The following DDX4 variants were observed in gnomAD, a reference collection of about 807,000 sequenced individuals.
DDX4 encodes DEAD-box helicase 4.
In DDX4, 25 loss-of-function variants were observed where a neutral mutation model predicts 100.0. The observed-to-expected ratio is 0.25, with a 90% confidence interval of 0.18 to 0.35. The LOEUF is 0.35. DDX4 is among the 10% of genes least tolerant of loss of function. The pLI, the probability that DDX4 is intolerant of heterozygous loss-of-function variation, is 1.00. For missense variants in DDX4, 635 were observed against 882.4 expected (o/e 0.72, Z 3.55); for synonymous variants, 259 against 275.7 (o/e 0.94, Z 0.60).
At chr5:55,777,359 T>TTTGGCAGGCCAACATGGGAGGGATC (rs1228229902) in intron 7 of DDX4, 27 of 152,256 alleles carry the variant, frequency 1.8e-4, no homozygotes, top group African/African-American at 6.5e-4. Context: ...ATCCTAGCAT[T>TTTGGCAGGCCAACATGGGAGGGATC]TTGGCAGGCC....
chr5:55,788,883 T>C (rs1037410068), intron 15 of DDX4, among the ~76,000 whole-genome samples: 6 of 152,100 alleles, frequency 3.9e-5, no homozygotes, highest in Non-Finnish European at 8.8e-5. Flanking sequence ...CTGGAAAACA[T>C]GGTGAAAACC....
At chr5:55,797,779 G>A (rs1743055240) in intron 17 of DDX4, among the ~76,000 whole-genome samples, 1 of 152,214 alleles carries the variant, frequency 6.6e-6, no homozygotes, top group African/African-American at 2.4e-5. Context: ...AGTTAACTGT[G>A]TGTCAAGATA....
intron 6 of DDX4, chr5:55,766,798 T>A: frequency 2.0e-6 from 2 of 996,490 alleles, no homozygotes; most frequent in Non-Finnish European, 2.8e-6. Context: ...TGTACAAAGA[T>A]CCCTTGAAAC....
intron 17 of DDX4, among the ~76,000 whole-genome samples, chr5:55,794,960 G>GA (rs1298130805): frequency 2.4e-4 from 35 of 147,850 alleles, no homozygotes; most frequent in Non-Finnish European, 1.2e-4. Context: ...TGTAGCCCCA[G>GA]ACCTTTTTTT....
intron 7 of DDX4, among the ~76,000 whole-genome samples, chr5:55,771,250 T>C (rs1741236844): frequency 6.6e-6 from 1 of 152,178 alleles, no homozygotes; most frequent in Admixed American, 6.6e-5. Context: ...GGTCATGAAA[T>C]ACAAATTACT....
chr5:55,749,838 T>C (rs989504030), intron 3 of DDX4, among the ~76,000 whole-genome samples: 3 of 151,728 alleles, frequency 2.0e-5, no homozygotes, highest in African/African-American at 7.3e-5. Flanking sequence ...CAGAAAACTT[T>C]TTGCAAGTTG....
intron 7 of DDX4, among the ~76,000 whole-genome samples, chr5:55,778,534 C>T (rs1246870322): frequency 2.2e-4 from 33 of 151,940 alleles, no homozygotes; most frequent in Non-Finnish European, 1.5e-5. Flanking sequence ...GAAACAGATA[C>T]AATAGAGTGT....
At chr5:55,761,871 G>A (rs1267680427) in intron 4 of DDX4, among the ~76,000 whole-genome samples, 1 of 151,968 alleles carries the variant, frequency 6.6e-6, no homozygotes, top group Non-Finnish European at 1.5e-5. Context: ...CGGCCTCCCA[G>A]TGTGCTGGGA....
At chr5:55,745,978 G>A (rs192175704) in intron 2 of DDX4, among the ~76,000 whole-genome samples, 186 bp from the exon 3 acceptor site, 281 of 152,270 alleles carry the variant, frequency 1.8e-3, no homozygotes, top group African/African-American at 4.8e-3. Flanking sequence ...TATATATACA[G>A]TGTTAAAGTG....
In DDX4 at chr5:55,788,019, T is replaced by A; in HGVS notation, c.1172+19T>A. On this transcript the variant is annotated intron_variant, in intron 15 of 21. Transcript: ENST00000505374. ...CTTTTGGGTAAGTACATCAGAGTGC[T>A]ACTCACAAAATAGTTTTTTCTTTAG... 1.3e-6 allele frequency: 2 copies of A among 1,582,394 alleles called. No homozygotes were observed. Among genetic ancestry groups the A allele is most frequent in the Non-Finnish European group, 1.7e-6 (2 of 1,165,930 alleles).
intron 6 of DDX4, among the ~76,000 whole-genome samples, chr5:55,765,784 G>A (rs1224572743): frequency 1.3e-5 from 2 of 151,838 alleles, no homozygotes; most frequent in South Asian, 4.2e-4. Flanking sequence ...TTAGAACACG[G>A]CCAGGTACAT....
intron 18 of DDX4, among the ~76,000 whole-genome samples, chr5:55,810,272 T>C (rs1457400336): frequency 6.6e-6 from 1 of 152,026 alleles, no homozygotes; most frequent in Non-Finnish European, 1.5e-5. Flanking sequence ...GCCTGGCTAA[T>C]TTTTGTATTT....
intron 7 of DDX4, 152 bp downstream of exon 7, chr5:55,768,092 G>A: frequency 2.8e-6 from 2 of 711,782 alleles, no homozygotes; most frequent in Non-Finnish European, 4.9e-6. Context: ...ATATTTGAGT[G>A]AGTATTCAGT....
Position 55,781,964 on chromosome 5 carries a change from G to A in DDX4, c.608G>A (p.Gly203Asp), listed in dbSNP as rs1427643092. The change falls in exon 10 of 22, where the codon GGC becomes GAC. Residue 203 changes from glycine (G) to aspartate (D), a missense_variant. Coordinates refer to ENST00000505374, the MANE Select transcript of DDX4 (RefSeq NM_024415.3). ...GGTGATACTTCTCAAAGCAGAAGTGGCAGTGGAAGTGAACGAGGTAAGTTC... is the reference window on the plus strand; with the variant it reads ...GGTGATACTTCTCAAAGCAGAAGTGACAGTGGAAGTGAACGAGGTAAGTTC... ...GNGDTSQSRS[G>D]SGSERGGYKG... 7 of 1,614,074 alleles carry A rather than the reference G, an allele frequency of 4.3e-6. No homozygotes were observed. Among genetic ancestry groups the A allele is most frequent in the South Asian group, 2.2e-5 (2 of 91,074 alleles).
At chr5:55,767,705 G>C (rs188941752) in intron 6 of DDX4, among the ~76,000 whole-genome samples, 176 bp from the exon 7 acceptor site, 3 of 152,164 alleles carry the variant, frequency 2.0e-5, no homozygotes, top group Non-Finnish European at 4.4e-5. Context: ...ATAGGGAATC[G>C]ACTCTGAGTA....
chr5:55,764,502 A>G (rs576889809), intron 6 of DDX4, among the ~76,000 whole-genome samples: 48 of 152,296 alleles, frequency 3.2e-4, no homozygotes, highest in Admixed American at 2.7e-3. Context: ...CTACAGGAAT[A>G]CAGAGAATGA....
chr5:55,745,329 T>C (rs1759193073), intron 2 of DDX4, among the ~76,000 whole-genome samples: 1 of 152,226 alleles, frequency 6.6e-6, no homozygotes, highest in Non-Finnish European at 1.5e-5. Flanking sequence ...TATACTGTAA[T>C]ATATGGAACT....
intron 18 of DDX4, among the ~76,000 whole-genome samples, chr5:55,813,349 A>G (rs1744223194): frequency 6.6e-6 from 1 of 152,158 alleles, no homozygotes; most frequent in Non-Finnish European, 1.5e-5. Context: ...AATGGAGGGG[A>G]GGAAAGGACT....
intron 3 of DDX4, among the ~76,000 whole-genome samples, chr5:55,751,608 T>G (rs1262530709): frequency 6.6e-6 from 1 of 152,228 alleles, no homozygotes; most frequent in Non-Finnish European, 1.5e-5. Context: ...TCTACTTTTG[T>G]AAGTTGCCTG....
Sources: allele counts gnomAD v4.1 joint callset (sites outside exome capture counted in the v4.1 genomes callset), GRCh38; gene constraint gnomAD v4.1.1; transcripts MANE v1.5; gene names NCBI Gene and HGNC (gene_info 2026-07-23, HGNC 2026-07-21).